The following MPRIP variants were observed in gnomAD, a reference collection of about 807,000 sequenced individuals.
MPRIP encodes myosin phosphatase Rho interacting protein, also known as myosin phosphatase Rho-interacting protein.
A neutral mutation model predicts 234.9 loss-of-function variants in MPRIP; 59 were observed. That is an observed-to-expected ratio of 0.25 (90% confidence interval 0.20 to 0.31). The LOEUF is 0.31. MPRIP is among the 10% of genes least tolerant of loss of function. The probability of loss-of-function intolerance (pLI) is 1.00; values close to 1 mark genes in which losing one functional copy is unlikely to be tolerated. For missense variants in MPRIP, 2,436 were observed against 3,071.0 expected, an observed-to-expected ratio of 0.79 and a Z score of 4.89; for synonymous variants, 1,144 against 1,263.9, an observed-to-expected ratio of 0.91 and a Z score of 2.01.
rs573683254 is a variant in MPRIP at position 17,165,414 on chromosome 17, G to A, written c.3823G>A (p.Gly1275Arg). Residue 1275 changes from glycine to arginine, a missense_variant, in exon 16 of 24, where the codon GGG becomes AGG. Around this residue, in one of 4 missense-constraint regions of MPRIP, gnomAD observed 1,998 missense variants for 2,520.3 expected, o/e 0.79. Transcript: ENST00000651222. ...DEDEDLGAPP[G>R]EEYGDGSPSR... ...GGACGAGGACCTGGGGGCTCCTCCGGGGGAAGAGTACGGTGATGGCAGCCC... is the reference window on the plus strand; with the variant it reads ...GGACGAGGACCTGGGGGCTCCTCCGAGGGAAGAGTACGGTGATGGCAGCCC... 2.3e-6 allele frequency: 3 copies of A among 1,304,216 alleles called. No individual in the cohort carries two copies. Among genetic ancestry groups the A allele is most frequent in the Non-Finnish European group, 3.0e-6 (3 of 988,958 alleles). 80.8% of individuals were successfully genotyped at this position (1,304,216 alleles called of 1,614,324 possible). A position where few individuals can be genotyped will look rare whatever the true frequency, so the allele number is the denominator to read the frequency against.
rs1432124656 is a variant in MPRIP, at chr17:17,166,337, C to T, written c.4746C>T (p.Ser1582=). ...CGCTGATCAGCCAGATAGCAGATTCCCTGAAGAACACAACATCAGATGTCT... is the reference window on the plus strand; with the variant it reads ...CGCTGATCAGCCAGATAGCAGATTCTCTGAAGAACACAACATCAGATGTCT... ...EASLISQIAD[S]LKNTTSDVSR... The change falls in exon 16 of 24, where the codon TCC becomes TCT. Residue 1582 remains serine, a synonymous_variant. Coordinates refer to ENST00000651222, the MANE Select transcript of MPRIP (RefSeq NM_001364716.4). The surrounding 1 kb of genome is among the most constrained non-coding windows in gnomAD (Gnocchi z 4.4). The T allele has an allele frequency of 2.3e-6, 3 of 1,304,488 alleles. No individual in the cohort carries two copies. The highest frequency in any genetic ancestry group is 3.0e-6 in the Non-Finnish European group (3 of 989,060). 80.8% of individuals were successfully genotyped at this position (1,304,488 alleles called of 1,614,324 possible).
At chr17:17,064,264 C>T (rs2088955898) in intron 1 of MPRIP, among the ~76,000 whole-genome samples, 1 of 150,912 alleles carries the variant, frequency 6.6e-6, no homozygotes, top group South Asian at 2.1e-4. Flanking sequence ...TGCAGTGGCG[C>T]AATCTCGGCT....
chr17:17,109,846 A>G (rs56343767), intron 3 of MPRIP, among the ~76,000 whole-genome samples: 10,592 of 152,196 alleles, frequency 0.07, 1,174 homozygotes, highest in African/African-American at 0.23. Context: ...GCACATGCGG[A>G]TGGGGGTGTG....
At chr17:17,147,512 G>T in intron 11 of MPRIP, 125 bp downstream of exon 11, 2 of 896,262 alleles carry the variant, frequency 2.2e-6, no homozygotes, top group South Asian at 1.4e-5. Context: ...CCCTTCGGTG[G>T]TGTTACCTTG....
chr17:17,150,307 C>A, intron 12 of MPRIP, 74 bp downstream of exon 12: 1 of 1,146,086 alleles, frequency 8.7e-7, no homozygotes, highest in Non-Finnish European at 1.3e-6. Flanking sequence ...AATGTCTGGG[C>A]TGGGGGCACT....
In MPRIP at chr17:17,167,070, T is replaced by G; in HGVS notation, c.5479T>G (p.Cys1827Gly). 4.6e-6 allele frequency: 6 copies of G among 1,304,192 alleles called. No individual in the cohort carries two copies. Among genetic ancestry groups the G allele is most frequent in the Non-Finnish European group, 6.1e-6 (6 of 988,910 alleles). 80.8% of individuals were successfully genotyped at this position (1,304,192 alleles called of 1,614,324 possible). ...QVSQSLSYNT[C>G]LGGLGQYSSL... ...GTCCCAGAGTCTCTCGTATAACACT[T>G]GTTTGGGAGGCCTCGGTCAGTATTC... Residue 1827 changes from cysteine to glycine, a missense_variant, in exon 16 of 24, where the codon TGT becomes GGT. Around this residue, in one of 4 missense-constraint regions of MPRIP, gnomAD observed 1,998 missense variants for 2,520.3 expected, o/e 0.79. Coordinates refer to ENST00000651222, the MANE Select transcript of MPRIP (RefSeq NM_001364716.4). The surrounding 1 kb of genome is among the most constrained non-coding windows in gnomAD (Gnocchi z 5.9).
intron 17 of MPRIP, among the ~76,000 whole-genome samples, 185 bp downstream of exon 17, chr17:17,172,050 G>T (rs767487866): frequency 6.6e-6 from 1 of 152,252 alleles, no homozygotes; most frequent in Non-Finnish European, 1.5e-5. Flanking sequence ...TTGAGAGCTT[G>T]TAAACTGAGA....
At chr17:17,129,761 G>A (rs1426679327) in intron 4 of MPRIP, among the ~76,000 whole-genome samples, 1 of 152,232 alleles carries the variant, frequency 6.6e-6, no homozygotes, top group Non-Finnish European at 1.5e-5. Flanking sequence ...GCAGGGGCCT[G>A]GGGTACCTGG....
chr17:17,066,961 G>T (rs1056291916), intron 1 of MPRIP, among the ~76,000 whole-genome samples: 1 of 151,306 alleles, frequency 6.6e-6, no homozygotes, highest in Non-Finnish European at 1.5e-5. Context: ...GGGTCTTGTA[G>T]TTCCCAGGCT....
At chr17:17,077,986 C>G in intron 2 of MPRIP, 25 bp from the exon 3 acceptor site, 1 of 1,613,804 alleles carries the variant, frequency 6.2e-7, no homozygotes, top group Non-Finnish European at 8.5e-7. Flanking sequence ...ATCCTCCTAA[C>G]CACCCACCTT....
intron 4 of MPRIP, among the ~76,000 whole-genome samples, chr17:17,130,553 C>A (rs544099347): frequency 1.3e-5 from 2 of 152,002 alleles, no homozygotes; most frequent in African/African-American, 2.4e-5. Context: ...CCCGTGTGAT[C>A]TCTAGCAGGA....
chr17:17,175,481 G>T (rs1248700673), intron 20 of MPRIP, 69 bp downstream of exon 20: 8 of 1,475,172 alleles, frequency 5.4e-6, no homozygotes, highest in Non-Finnish European at 7.2e-6. Context: ...GTGCAGCATG[G>T]CCCCTGTCTT....
At chr17:17,154,447 G>A (rs2045683268) in intron 13 of MPRIP, 32 bp downstream of exon 13, 4 of 1,595,618 alleles carry the variant, frequency 2.5e-6, no homozygotes, top group African/African-American at 1.3e-5. Context: ...GGAGCCCTTT[G>A]TGCCTCTTGT....
At chr17:17,080,825 A>G (rs2089445173) in intron 3 of MPRIP, among the ~76,000 whole-genome samples, 1 of 152,250 alleles carries the variant, frequency 6.6e-6, no homozygotes, top group Non-Finnish European at 1.5e-5. Context: ...CTCACCTGTC[A>G]GATTTCCTGG....
chr17:17,182,555 A>C (rs1567783804), intron 23 of MPRIP: 1 of 152,338 alleles, frequency 6.6e-6, no homozygotes, highest in Admixed American at 6.5e-5. Flanking sequence ...AATCCAGAGG[A>C]CGTAGAGAGA....
At chr17:17,149,784 T>C (rs1190327449) in intron 11 of MPRIP, 4 of 149,490 alleles carry the variant, frequency 2.7e-5, no homozygotes, top group African/African-American at 4.9e-5. Flanking sequence ...AAATTAAAAT[T>C]TTTAAAATAT....
In MPRIP at chr17:17,078,133, C is replaced by T; in HGVS notation, c.267+57C>T. 6 of 1,564,852 alleles carry T rather than the reference C, an allele frequency of 3.8e-6. No individual in the cohort carries two copies. Among genetic ancestry groups the T allele is most frequent in the Non-Finnish European group, 5.3e-6 (6 of 1,136,204 alleles). On this transcript the variant is annotated intron_variant, in intron 3 of 23. Coordinates refer to ENST00000651222, the MANE Select transcript of MPRIP (RefSeq NM_001364716.4). The surrounding 1 kb of genome is among the most constrained non-coding windows in gnomAD (Gnocchi z 4.3). ...CAGCCTTCACCAAGTCCCTCCATTACAGTGCCCTTGCGTTGTCATGTGAGA... is the reference window on the plus strand; with the variant it reads ...CAGCCTTCACCAAGTCCCTCCATTATAGTGCCCTTGCGTTGTCATGTGAGA...
At chr17:17,064,853 A>G (rs1351192467) in intron 1 of MPRIP, among the ~76,000 whole-genome samples, 2 of 152,188 alleles carry the variant, frequency 1.3e-5, no homozygotes, top group Admixed American at 6.5e-5. Context: ...GTATGTTTTC[A>G]TTCCCTGGAA....
At chr17:17,076,936 C>CTTTTTTTTTTTTTTT (rs5819598) in intron 2 of MPRIP, 1 of 91,376 alleles carries the variant, frequency 1.1e-5, no homozygotes, top group African/African-American at 4.2e-5. Flanking sequence ...GGGCTCTTTG[C>CTTTTTTTTTTTTTTT]TTTTTTTTTT....
Sources: gnomAD v4.1 joint callset for allele counts (sites outside exome capture counted in the v4.1 genomes callset) on GRCh38, gnomAD v4.1.1 for gene constraint, gnomAD v4.1.1 regional missense constraint, Gnocchi (gnomAD v3.1) non-coding constraint, MANE v1.5 for transcripts, NCBI Gene and HGNC (gene_info 2026-07-23, HGNC 2026-07-21) for gene names.